Variants in PTPRK observed in about 807,000 individuals in gnomAD.
The protein encoded by PTPRK is protein tyrosine phosphatase receptor type K, also known as receptor-type tyrosine-protein phosphatase kappa.
Under a neutral mutation model 178.0 loss-of-function variants are expected in PTPRK, and 75 were observed. The observed-to-expected ratio is 0.42, with a 90% CI of 0.35 to 0.51. The LOEUF (loss-of-function observed/expected upper bound fraction) is 0.51, where lower values mean the gene tolerates loss of function less well. Ranked by LOEUF, PTPRK falls within the 20% of genes least tolerant of loss-of-function variation. The probability of loss-of-function intolerance (pLI) is 0.02; values close to 1 mark genes in which losing one functional copy is unlikely to be tolerated. For missense variants in PTPRK, 1,441 were observed against 1,797.8 expected (o/e 0.80, Z 3.59); for synonymous variants, 637 against 620.6 (o/e 1.03, Z -0.39).
chr6:128,263,314 T>C (rs922831029), intron 3 of PTPRK, among the ~76,000 whole-genome samples: 1 of 152,164 alleles, frequency 6.6e-6, no homozygotes. Context: ...CCTGTAGCAG[T>C]AGAACCAGAA....
At chr6:128,315,007 A>G (rs947871265) in intron 3 of PTPRK, among the ~76,000 whole-genome samples, 2 of 33,522 alleles carry the variant, frequency 6.0e-5, no homozygotes, top group Non-Finnish European at 2.1e-4. Flanking sequence ...AATGAAAGAA[A>G]AAAACAAACA....
At chr6:128,343,189 T>C (rs1008294475) in intron 2 of PTPRK, among the ~76,000 whole-genome samples, 1 of 152,116 alleles carries the variant, frequency 6.6e-6, no homozygotes, top group African/African-American at 2.4e-5. Flanking sequence ...ACAGATGATA[T>C]ATATATGTCT....
At chr6:128,164,754 G>A (rs1799158860) in intron 7 of PTPRK, among the ~76,000 whole-genome samples, 2 of 150,886 alleles carry the variant, frequency 1.3e-5, no homozygotes, top group South Asian at 4.2e-4. Context: ...ATAAATTATT[G>A]GAGGGTAGAA....
intron 3 of PTPRK, among the ~76,000 whole-genome samples, chr6:128,277,575 A>G (rs1820926010): frequency 6.6e-6 from 1 of 152,190 alleles, no homozygotes; most frequent in Non-Finnish European, 1.5e-5. Context: ...ATACAGAGGC[A>G]GATTCTGAAA....
intron 13 of PTPRK, among the ~76,000 whole-genome samples, chr6:128,058,307 T>C (rs1323185238): frequency 6.6e-6 from 1 of 152,210 alleles, no homozygotes; most frequent in East Asian, 1.9e-4. Context: ...TTATTTTACA[T>C]CCTTCTTAAG....
intron 7 of PTPRK, among the ~76,000 whole-genome samples, chr6:128,149,759 G>A (rs1480054105): frequency 1.3e-5 from 2 of 152,078 alleles, no homozygotes; most frequent in Non-Finnish European, 2.9e-5. Context: ...ATATATGGAA[G>A]CCCATTCATA....
At chr6:128,506,024 A>T (rs997637982) in intron 1 of PTPRK, among the ~76,000 whole-genome samples, 4 of 150,888 alleles carry the variant, frequency 2.7e-5, no homozygotes, top group Non-Finnish European at 5.9e-5. Flanking sequence ...GAAAAATGTT[A>T]TATAGAATTC....
intron 1 of PTPRK, among the ~76,000 whole-genome samples, chr6:128,501,417 A>ACACACC (rs1562650930): frequency 1.3e-5 from 2 of 151,236 alleles, no homozygotes; most frequent in African/African-American, 4.9e-5. Flanking sequence ...ACACACACAC[A>ACACACC]CCCTTCCCAT....
At chr6:128,188,340 C>T (rs905508237) in intron 6 of PTPRK, among the ~76,000 whole-genome samples, 1 of 151,934 alleles carries the variant, frequency 6.6e-6, no homozygotes, top group Non-Finnish European at 1.5e-5. Context: ...TGTTATTTTA[C>T]AAACACATGT....
At chr6:128,106,894 ATATTTTAG>A (rs1309946826) in intron 7 of PTPRK, among the ~76,000 whole-genome samples, 1 of 152,142 alleles carries the variant, frequency 6.6e-6, no homozygotes, top group Non-Finnish European at 1.5e-5. Context: ...CTTTCTTGGA[ATATTTTAG>A]TATTTTTTTG....
intron 21 of PTPRK, among the ~76,000 whole-genome samples, chr6:127,988,214 G>C (rs768890131): frequency 6.6e-6 from 1 of 151,584 alleles, no homozygotes; most frequent in African/African-American, 2.4e-5. Context: ...GAGAGGAAGA[G>C]AGAGAAGAAA....
At chr6:128,040,720 T>C (rs890270135) in intron 13 of PTPRK, among the ~76,000 whole-genome samples, 9 of 152,258 alleles carry the variant, frequency 5.9e-5, no homozygotes, top group Middle Eastern at 6.8e-3. Context: ...CAAAATGTGA[T>C]GAGTATCACT....
At chr6:128,218,795 A>G in intron 6 of PTPRK, 127 bp downstream of exon 6, 2 of 872,604 alleles carry the variant, frequency 2.3e-6, no homozygotes, top group Non-Finnish European at 1.7e-6. Flanking sequence ...TTGTATGATG[A>G]TATATTTTTT....
chr6:128,066,302 C>T (rs996314396), intron 12 of PTPRK, among the ~76,000 whole-genome samples: 2 of 152,102 alleles, frequency 1.3e-5, no homozygotes, highest in Admixed American at 1.3e-4. Context: ...TAAAGGTAAA[C>T]GAGAAGAGCA....
At chr6:128,250,240 C>T (rs1816247069) in intron 3 of PTPRK, among the ~76,000 whole-genome samples, 1 of 152,152 alleles carries the variant, frequency 6.6e-6, no homozygotes, top group Non-Finnish European at 1.5e-5. Flanking sequence ...CACCCATTGA[C>T]CTAAGTTACT....
At chr6:128,042,493 C>T (rs538725141) in intron 13 of PTPRK, among the ~76,000 whole-genome samples, 1 of 152,132 alleles carries the variant, frequency 6.6e-6, no homozygotes, top group African/African-American at 2.4e-5. Flanking sequence ...TGGCTCATGG[C>T]CCCAGTCTTC....
chr6:128,383,798 C>T (rs1838293662), intron 2 of PTPRK, among the ~76,000 whole-genome samples: 1 of 152,140 alleles, frequency 6.6e-6, no homozygotes, highest in African/African-American at 2.4e-5. Context: ...AATAGCATAT[C>T]TTTAACATTG....
At chr6:128,316,930 G>A (rs1584113008) in intron 3 of PTPRK, among the ~76,000 whole-genome samples, 1 of 151,816 alleles carries the variant, frequency 6.6e-6, no homozygotes, top group Admixed American at 6.6e-5. Flanking sequence ...AATAATATGA[G>A]GGCCTTTCCA....
chr6:127,989,983 T>C (rs1385543478), intron 21 of PTPRK, among the ~76,000 whole-genome samples: 1 of 152,170 alleles, frequency 6.6e-6, no homozygotes, highest in Non-Finnish European at 1.5e-5. Context: ...TGTATTTCAC[T>C]GTTACTATAT....
Sources: allele counts gnomAD v4.1 joint callset (sites outside exome capture counted in the v4.1 genomes callset), GRCh38; gene constraint gnomAD v4.1.1; transcripts MANE v1.5; gene names NCBI Gene and HGNC (gene_info 2026-07-23, HGNC 2026-07-21).